KALRN: variants seen among roughly 807,000 people sequenced by gnomAD.
The protein encoded by KALRN is kalirin.
Under a neutral mutation model 353.7 loss-of-function variants are expected in KALRN, and 70 were observed. The observed-to-expected ratio is 0.20, with a 90% confidence interval of 0.16 to 0.24. The LOEUF (loss-of-function observed/expected upper bound fraction) is 0.24, where lower values mean the gene tolerates loss of function less well. KALRN is among the 10% of genes least tolerant of loss of function. The pLI is 1.00. For synonymous variants in KALRN, 1,391 were observed against 1,434.8 expected, an observed-to-expected ratio of 0.97 and a Z score of 0.69; for missense variants, 2,791 against 3,756.7, an observed-to-expected ratio of 0.74 and a Z score of 6.72.
At chr3:124,068,323 A>G (rs2042550468) in intron 1 of KALRN, among the ~76,000 whole-genome samples, 1 of 152,168 alleles carries the variant, frequency 6.6e-6, no homozygotes, top group Non-Finnish European at 1.5e-5. Flanking sequence ...TTCCACGGGT[A>G]GCATCCTCTG....
chr3:124,422,741 T>A (rs2092837179), intron 14 of KALRN, 71 bp from the exon 15 acceptor site: 2 of 1,253,810 alleles, frequency 1.6e-6, no homozygotes, highest in Non-Finnish European at 1.1e-6. Context: ...AGTTTTCTTA[T>A]GCATATTGAA....
rs911690749 is a variant in KALRN, at chr3:124,725,716, G to C, written c.*6246G>C. On this transcript the variant is annotated 3_prime_UTR_variant, in exon 60 of 60. Transcript: ENST00000682506. ...TGAAACATAAAGGGGCCATCATTTA[G>C]TTTATTCTGTTTATCTGGACTTATA... 2 of 152,170 alleles carry C rather than the reference G, an allele frequency of 1.3e-5. No homozygotes were observed. Among genetic ancestry groups the C allele is most frequent in the African/African-American group, 4.8e-5 (2 of 41,464 alleles). The allele number at this position is 152,170 out of a possible 1,614,324, so 9.4% of individuals were successfully genotyped here. A position where few individuals can be genotyped will look rare whatever the true frequency, so the allele number is the denominator to read the frequency against.
chr3:124,183,000 GCC>G (rs1452111862), intron 1 of KALRN, among the ~76,000 whole-genome samples: 1 of 152,134 alleles, frequency 6.6e-6, no homozygotes, highest in Non-Finnish European at 1.5e-5. Flanking sequence ...ACTGAATTGT[GCC>G]CTTCCCAAAT....
chr3:124,666,731 C>A, intron 46 of KALRN, 97 bp downstream of exon 46: 1 of 973,496 alleles, frequency 1.0e-6, no homozygotes, highest in Non-Finnish European at 1.6e-6. Flanking sequence ...ACATCCAGAA[C>A]CGTGAAGATC....
At chr3:124,508,435 T>C (rs905839783) in intron 33 of KALRN, among the ~76,000 whole-genome samples, 3 of 152,236 alleles carry the variant, frequency 2.0e-5, no homozygotes, top group African/African-American at 7.2e-5. Context: ...TCTACATATA[T>C]CCTTTTGTGT....
intron 18 of KALRN, 150 bp downstream of exon 18, chr3:124,439,187 T>TC: frequency 2.1e-6 from 1 of 480,302 alleles, no homozygotes; most frequent in Non-Finnish European, 3.5e-6. Context: ...CTTCTTCTCC[T>TC]TCTCTCTCTC....
intron 57 of KALRN, among the ~76,000 whole-genome samples, chr3:124,712,646 C>A (rs2062945907): frequency 2.2e-5 from 3 of 137,212 alleles, no homozygotes; most frequent in South Asian, 2.3e-4. Context: ...CAGAGCAAGA[C>A]CCTGTCTCAG....
chr3:124,084,129 C>T (rs1485862241), intron 1 of KALRN, among the ~76,000 whole-genome samples: 3 of 152,174 alleles, frequency 2.0e-5, no homozygotes, highest in Non-Finnish European at 4.4e-5. Context: ...GCTGGTGCTC[C>T]GCCACTGTGT....
intron 1 of KALRN, among the ~76,000 whole-genome samples, chr3:124,117,221 G>C (rs377170571): frequency 9.6e-4 from 146 of 152,284 alleles, no homozygotes; most frequent in African/African-American, 3.2e-3. Context: ...GGGAGAGAAG[G>C]GGGGACTGGC....
intron 36 of KALRN, among the ~76,000 whole-genome samples, chr3:124,634,518 G>T (rs1234928337): frequency 6.6e-6 from 1 of 152,202 alleles, no homozygotes; most frequent in African/African-American, 2.4e-5. Context: ...GGCATGCATA[G>T]GCTCACTGGT....
chr3:124,229,040 C>T (rs1308494436), intron 2 of KALRN, among the ~76,000 whole-genome samples: 2 of 152,134 alleles, frequency 1.3e-5, no homozygotes, highest in African/African-American at 2.4e-5. Context: ...AGAATAATTG[C>T]CCTATCTCAA....
At chr3:124,207,088 T>G (rs1276961336) in intron 1 of KALRN, among the ~76,000 whole-genome samples, 1 of 152,180 alleles carries the variant, frequency 6.6e-6, no homozygotes, top group African/African-American at 2.4e-5. Flanking sequence ...GAAGTTTCCC[T>G]CAGGTCAGCA....
chr3:124,269,865 A>T (rs1338707303), intron 5 of KALRN, among the ~76,000 whole-genome samples: 2 of 152,192 alleles, frequency 1.3e-5, no homozygotes, highest in Non-Finnish European at 2.9e-5. Flanking sequence ...CTGACATCTG[A>T]ATCCAGCATT....
chr3:124,479,539 C>T (rs1024281749), intron 27 of KALRN, among the ~76,000 whole-genome samples: 1 of 152,062 alleles, frequency 6.6e-6, no homozygotes. Context: ...TTGTGGCTTA[C>T]TTTCATTCCA....
intron 7 of KALRN, among the ~76,000 whole-genome samples, chr3:124,329,288 C>T (rs915079623): frequency 1.3e-5 from 2 of 152,198 alleles, no homozygotes; most frequent in South Asian, 2.1e-4. Context: ...CTGCCTCTCT[C>T]GTTTCCACCC....
chr3:124,459,638 T>C (rs1192770945), intron 23 of KALRN, among the ~76,000 whole-genome samples: 1 of 152,214 alleles, frequency 6.6e-6, no homozygotes, highest in Non-Finnish European at 1.5e-5. Context: ...TTATAAACCA[T>C]TTCTTGACAC....
chr3:124,053,661 C>T (rs1360138858), intron 1 of KALRN, among the ~76,000 whole-genome samples: 1 of 152,180 alleles, frequency 6.6e-6, no homozygotes, highest in Non-Finnish European at 1.5e-5. Context: ...CAGTTATATA[C>T]TCAGACAACT....
At chr3:124,556,889 G>T (rs1429462120) in intron 33 of KALRN, among the ~76,000 whole-genome samples, 1 of 152,150 alleles carries the variant, frequency 6.6e-6, no homozygotes, top group Non-Finnish European at 1.5e-5. Flanking sequence ...TTGCTAAGTT[G>T]TTGATGATGT....
intron 6 of KALRN, among the ~76,000 whole-genome samples, chr3:124,316,203 T>C (rs1171101809): frequency 6.6e-6 from 1 of 152,166 alleles, no homozygotes; most frequent in African/African-American, 2.4e-5. Context: ...CCTCCATGGT[T>C]ACCCCCTTGA....
Sources: gnomAD v4.1 joint callset for allele counts (sites outside exome capture counted in the v4.1 genomes callset) on GRCh38, gnomAD v4.1.1 for gene constraint, MANE v1.5 for transcripts, NCBI Gene and HGNC (gene_info 2026-07-23, HGNC 2026-07-21) for gene names.